Variants in RNF216 observed in about 807,000 individuals in gnomAD.
RNF216 encodes ring finger protein 216.
RNF216 carries 72 observed loss-of-function variants against 110.8 expected under a neutral mutation model. The ratio of observed to expected loss-of-function variants is 0.65; its 90% CI spans 0.54 to 0.79. RNF216 has a LOEUF of 0.79. Ranked by LOEUF, RNF216 falls within the 30% of genes least tolerant of loss-of-function variation. RNF216 has a pLI of 0.00. For synonymous variants in RNF216, 495 were observed against 407.5 expected (o/e 1.21, Z -2.59); for missense variants, 1,342 against 1,141.2 (o/e 1.18, Z -2.54).
intron 1 of RNF216, among the ~76,000 whole-genome samples, chr7:5,768,294 GAAAA>G (rs35195410): frequency 2.6e-5 from 3 of 116,714 alleles, no homozygotes; most frequent in Non-Finnish European, 5.1e-5. Context: ...CTATTAGGGG[GAAAA>G]AAAAAAAAAA....
intron 11 of RNF216, 117 bp downstream of exon 11, chr7:5,714,936 A>G: frequency 1.2e-6 from 1 of 868,310 alleles, no homozygotes; most frequent in Non-Finnish European, 1.7e-6. Flanking sequence ...ACACATAAGC[A>G]TACCAGCAGA....
chr7:5,682,748 A>G (rs935538186), intron 13 of RNF216, among the ~76,000 whole-genome samples: 5 of 152,196 alleles, frequency 3.3e-5, no homozygotes, highest in Non-Finnish European at 7.3e-5. Flanking sequence ...TAGAGTTAGA[A>G]TAATCATGTG....
chr7:5,713,671 T>G (rs1406995092), intron 11 of RNF216, among the ~76,000 whole-genome samples: 1 of 152,194 alleles, frequency 6.6e-6, no homozygotes, highest in African/African-American at 2.4e-5. Context: ...CAAACAGCTC[T>G]TTAACATGAA....
rs538728654 is a variant in RNF216 at position 5,634,665 on chromosome 7, A to G, written c.2382+6489T>C. Among the ~76,000 whole-genome samples, 12 of 152,204 alleles carry G rather than the reference A, an allele frequency of 7.9e-5. No individual in the cohort carries two copies. The South Asian group carries it at 2.3e-3, about 29-fold the overall frequency. On this transcript the variant is annotated intron_variant, in intron 15 of 16. Coordinates refer to ENST00000389902, the MANE Select transcript of RNF216 (RefSeq NM_207111.4). Reference sequence around the variant, plus strand: ...GGTCAGACAAGCCCAGCACCCAAATACCACTATCTGGAGCACTTCCCCCAC... The same window carrying G: ...GGTCAGACAAGCCCAGCACCCAAATGCCACTATCTGGAGCACTTCCCCCAC...
intron 15 of RNF216, among the ~76,000 whole-genome samples, chr7:5,632,248 T>C (rs773724510): frequency 6.6e-6 from 1 of 152,244 alleles, no homozygotes; most frequent in Non-Finnish European, 1.5e-5. Flanking sequence ...CACAGATCCA[T>C]GACAGACCAT....
chr7:5,697,379 G>T (rs181028614), intron 13 of RNF216, among the ~76,000 whole-genome samples: 1 of 152,138 alleles, frequency 6.6e-6, no homozygotes, highest in Admixed American at 6.5e-5. Context: ...CTGAACGAAC[G>T]ACCAGACTTC....
chr7:5,650,076 C>T (rs569389704), intron 14 of RNF216: 65 of 152,218 alleles, frequency 4.3e-4, no homozygotes, highest in African/African-American at 1.3e-3. Context: ...AGAGAAATCC[C>T]TTGAATGTAG....
chr7:5,672,728 G>A (rs1789999852), intron 13 of RNF216, among the ~76,000 whole-genome samples: 2 of 152,160 alleles, frequency 1.3e-5, no homozygotes, highest in African/African-American at 4.8e-5. Context: ...GAAGGCCAGT[G>A]AGGAGGCTGC....
Position 5,727,804 on chromosome 7 carries a change from C to T in RNF216, c.1389+1628G>A, listed in dbSNP as rs374433921. Among the ~76,000 whole-genome samples the T allele has an allele frequency of 2.6e-5, 4 of 152,004 alleles. No individual in the cohort carries two copies. In the East Asian group the frequency reaches 5.8e-4, roughly 22 times the overall value. ...CTCTCAACTTCCTCCTTCCTGTCTG[C>T]CTGCCTCCTCCGCTTGGTCTTTGCA... On this transcript the variant is annotated intron_variant, in intron 7 of 16. Coordinates refer to ENST00000389902, the MANE Select transcript of RNF216 (RefSeq NM_207111.4).
intron 13 of RNF216, among the ~76,000 whole-genome samples, chr7:5,706,777 T>C (rs182301667): frequency 1.3e-5 from 2 of 152,380 alleles, no homozygotes; most frequent in East Asian, 1.9e-4. Context: ...AGCATCTTAG[T>C]AGTCACTTGC....
rs558055762 is a variant in RNF216 at position 5,621,957 on chromosome 7, G to C, written c.*903C>G. On this transcript the variant is annotated 3_prime_UTR_variant, in exon 17 of 17. Transcript: ENST00000389902. Reference sequence around the variant, plus strand: ...GAACACCCGGGGCACACACGGGGCAGGGGTGGCACCCAGGGTCACCTGTCT... The same window carrying C: ...GAACACCCGGGGCACACACGGGGCACGGGTGGCACCCAGGGTCACCTGTCT... The C allele has an allele frequency of 1.3e-5, 2 of 152,524 alleles. No homozygotes were observed. The highest frequency in any genetic ancestry group is 6.5e-5 in the Admixed American group (1 of 15,300). The allele number at this position is 152,524 out of a possible 1,614,324, so 9.4% of individuals were successfully genotyped here.
intron 13 of RNF216, among the ~76,000 whole-genome samples, chr7:5,699,760 C>T (rs538547165): frequency 6.6e-6 from 1 of 152,348 alleles, no homozygotes; most frequent in African/African-American, 2.4e-5. Flanking sequence ...GTGGTTGATT[C>T]CACTTGCAGT....
rs770295200 is a variant in RNF216 at position 5,624,657 on chromosome 7, C to G, written c.2383-532G>C. On this transcript the variant is annotated intron_variant, in intron 15 of 16. Transcript: ENST00000389902. This position sits in a 1 kb window ranked among gnomAD's most constrained non-coding sequence, Gnocchi z 4.4. ...AGGCCTCGGGGAGAGGAGGAAGGTG[C>G]GACAGTGAGGATGGTCCCCCTCGGA... 1.3e-5 allele frequency among the ~76,000 whole-genome samples: 2 copies of G among 152,150 alleles called. No homozygotes were observed. Among genetic ancestry groups the G allele is most frequent in the African/African-American group, 4.8e-5 (2 of 41,442 alleles).
chr7:5,628,592 A>T (rs1379413725), intron 15 of RNF216, among the ~76,000 whole-genome samples: 1 of 152,036 alleles, frequency 6.6e-6, no homozygotes, highest in Non-Finnish European at 1.5e-5. Context: ...GCACCATCAT[A>T]GATCACTGCA....
intron 13 of RNF216, among the ~76,000 whole-genome samples, chr7:5,663,660 G>A (rs1473570054): frequency 6.6e-6 from 1 of 151,386 alleles, no homozygotes; most frequent in African/African-American, 2.4e-5. Flanking sequence ...CAGCACTTTG[G>A]GAGGCTGAGG....
At chr7:5,646,010 G>A (rs1311042942) in intron 14 of RNF216, among the ~76,000 whole-genome samples, 2 of 152,144 alleles carry the variant, frequency 1.3e-5, no homozygotes, top group Non-Finnish European at 2.9e-5. Flanking sequence ...CTGATTCAAA[G>A]CATTTGTTTA....
intron 14 of RNF216, chr7:5,650,091 G>C (rs1046703465): frequency 1.3e-5 from 2 of 152,190 alleles, no homozygotes; most frequent in Non-Finnish European, 2.9e-5. Flanking sequence ...ATGTAGGAAT[G>C]TGTCATCTCT....
At chr7:5,731,167 G>A (rs542183093) in intron 5 of RNF216, among the ~76,000 whole-genome samples, 13 of 152,278 alleles carry the variant, frequency 8.5e-5, no homozygotes, top group African/African-American at 3.1e-4. Context: ...ACTCTTTGTC[G>A]AGAAAACTAT....
chr7:5,636,385 T>C (rs182152560), intron 15 of RNF216, among the ~76,000 whole-genome samples: 95 of 152,296 alleles, frequency 6.2e-4, no homozygotes, highest in Admixed American at 5.5e-3. Context: ...AGAAAGAAAG[T>C]TACTGTTCAC....
Sources: gnomAD v4.1 joint callset for allele counts (sites outside exome capture counted in the v4.1 genomes callset) on GRCh38, gnomAD v4.1.1 for gene constraint, Gnocchi (gnomAD v3.1) non-coding constraint, MANE v1.5 for transcripts, NCBI Gene and HGNC (gene_info 2026-07-23, HGNC 2026-07-21) for gene names.